SV2C: variants seen among roughly 807,000 people sequenced by gnomAD.
SV2C encodes the protein solute carrier family 22 member B3.
SV2C carries 49 observed loss-of-function variants against 79.7 expected under a neutral mutation model. The ratio of observed to expected loss-of-function variants is 0.61; its 90% CI spans 0.49 to 0.78. The LOEUF (loss-of-function observed/expected upper bound fraction) is 0.78, where lower values mean the gene tolerates loss of function less well. Among genes scored for constraint, SV2C ranks in the 30% least tolerant of loss-of-function variants. The pLI is 0.00. For missense variants in SV2C, 833 were observed against 912.9 expected (o/e 0.91, Z 1.13); for synonymous variants, 334 against 333.2 (o/e 1.00, Z -0.03).
At chr5:76,143,908 A>G (rs1749339293) in intron 2 of SV2C, among the ~76,000 whole-genome samples, 1 of 152,260 alleles carries the variant, frequency 6.6e-6, no homozygotes, top group African/African-American at 2.4e-5. Flanking sequence ...TCACAGAATC[A>G]AAAACCCTAA....
At chr5:76,280,229 G>C (rs528155273) in intron 4 of SV2C, among the ~76,000 whole-genome samples, 4 of 152,074 alleles carry the variant, frequency 2.6e-5, no homozygotes, top group Admixed American at 2.6e-4. Flanking sequence ...CCTTTAGAGA[G>C]AGAGAGACAC....
intron 4 of SV2C, among the ~76,000 whole-genome samples, chr5:76,220,273 A>T (rs533681884): frequency 9.7e-4 from 148 of 152,264 alleles, no homozygotes; most frequent in Non-Finnish European, 1.7e-3. Flanking sequence ...TTTGAAGTAG[A>T]TACAAGTGTA....
the SV2C span, among the ~76,000 whole-genome samples, chr5:76,000,713 A>T: frequency 6.6e-6 from 1 of 152,150 alleles, no homozygotes; most frequent in Non-Finnish European, 1.5e-5. Context: ...ACATCCAGAG[A>T]GCTAACACTC....
chr5:76,336,175 G>A (rs1013795853), downstream of SV2C, among the ~76,000 whole-genome samples: 1 of 151,552 alleles, frequency 6.6e-6, no homozygotes, highest in Non-Finnish European at 1.5e-5. Context: ...TCCCGGATGG[G>A]GTGGCTGCCG....
the SV2C span, among the ~76,000 whole-genome samples, chr5:76,029,047 A>G: frequency 6.6e-6 from 1 of 152,226 alleles, no homozygotes; most frequent in Admixed American, 6.5e-5. Flanking sequence ...ACATAAATGA[A>G]TGAATACCAC....
At chr5:76,128,621 G>A (rs1447219541) in intron 1 of SV2C, among the ~76,000 whole-genome samples, 1 of 152,104 alleles carries the variant, frequency 6.6e-6, no homozygotes, top group African/African-American at 2.4e-5. Context: ...TAAAATGGAA[G>A]ACTATAATGT....
At chr5:76,054,645 G>A in the SV2C span, among the ~76,000 whole-genome samples, 2 of 151,836 alleles carry the variant, frequency 1.3e-5, no homozygotes, top group African/African-American at 4.8e-5. Context: ...CCAAACCCTT[G>A]CCAGCATCTG....
At chr5:76,072,717 C>T in the SV2C span, among the ~76,000 whole-genome samples, 1 of 152,308 alleles carries the variant, frequency 6.6e-6, no homozygotes, top group South Asian at 2.1e-4. Context: ...AGTTTACATT[C>T]CCACCAATGG....
the SV2C span, among the ~76,000 whole-genome samples, chr5:75,932,207 GC>G: frequency 5.6e-4 from 85 of 152,288 alleles, no homozygotes; most frequent in Middle Eastern, 3.4e-3. Flanking sequence ...TTCCCGGGGA[GC>G]CCTACATCCA....
At chr5:76,118,866 C>T (rs945136509) in intron 1 of SV2C, among the ~76,000 whole-genome samples, 9 of 152,086 alleles carry the variant, frequency 5.9e-5, no homozygotes, top group African/African-American at 2.2e-4. Context: ...GCTTGTATTC[C>T]CAGCTACTCA....
the SV2C span, among the ~76,000 whole-genome samples, chr5:76,026,170 T>C: frequency 1.3e-5 from 2 of 148,580 alleles, no homozygotes; most frequent in Non-Finnish European, 3.0e-5. Context: ...AAGAGATTTC[T>C]TCAAGTAGAA....
chr5:76,336,868 G>T (rs1343852682), downstream of SV2C, among the ~76,000 whole-genome samples: 2 of 152,200 alleles, frequency 1.3e-5, no homozygotes, highest in African/African-American at 4.8e-5. Flanking sequence ...GGCAAGTACA[G>T]GAATTCACCA....
chr5:76,094,500 C>A (rs1747484111), intron 1 of SV2C, among the ~76,000 whole-genome samples: 1 of 152,014 alleles, frequency 6.6e-6, no homozygotes, highest in Non-Finnish European at 1.5e-5. Flanking sequence ...ATAGTCAATT[C>A]TTTGTCATTG....
At chr5:75,971,854 G>A in the SV2C span, among the ~76,000 whole-genome samples, 145 of 152,130 alleles carry the variant, frequency 9.5e-4, 1 homozygote, top group Non-Finnish European at 1.8e-3. Flanking sequence ...CCAAAAAAGA[G>A]CCCACATTGC....
chr5:75,911,917 G>T, the SV2C span: 2 of 479,256 alleles, frequency 4.2e-6, no homozygotes, highest in South Asian at 3.2e-5. Context: ...CCCCAAAGAA[G>T]CTCTTCAACC....
At chr5:76,316,667 G>C (rs574787465) in intron 12 of SV2C, among the ~76,000 whole-genome samples, 1 of 152,256 alleles carries the variant, frequency 6.6e-6, no homozygotes, top group African/African-American at 2.4e-5. Context: ...AGGCAAACCT[G>C]AGTGGGTACC....
At chr5:76,212,393 A>T (rs1255341774) in intron 4 of SV2C, among the ~76,000 whole-genome samples, 1 of 151,900 alleles carries the variant, frequency 6.6e-6, no homozygotes, top group Non-Finnish European at 1.5e-5. Context: ...ATCTCTGCCA[A>T]CTACTCACAG....
intron 12 of SV2C, among the ~76,000 whole-genome samples, chr5:76,304,157 G>C (rs566156894): frequency 6.6e-6 from 1 of 152,272 alleles, no homozygotes; most frequent in Admixed American, 6.5e-5. Context: ...TTCTCACCGC[G>C]GTCACGCTGT....
chr5:76,141,517 A>G (rs1047945097), intron 2 of SV2C, among the ~76,000 whole-genome samples: 3 of 152,034 alleles, frequency 2.0e-5, no homozygotes, highest in African/African-American at 7.2e-5. Flanking sequence ...GTTCATGTGG[A>G]CTTCACTTTA....
Sources: allele counts gnomAD v4.1 joint callset (sites outside exome capture counted in the v4.1 genomes callset), GRCh38; gene constraint gnomAD v4.1.1; transcripts MANE v1.5; gene names NCBI Gene and HGNC (gene_info 2026-07-23, HGNC 2026-07-21).